Variants in FAM149B1 observed in about 807,000 individuals in gnomAD.
The protein encoded by FAM149B1 is primary cilium assembly protein FAM149B1.
Under a neutral mutation model 75.3 loss-of-function variants are expected in FAM149B1, and 56 were observed. That is an observed-to-expected ratio of 0.74 (90% confidence interval 0.60 to 0.93). The LOEUF is 0.93. Among genes scored for constraint, FAM149B1 ranks in the 40% least tolerant of loss-of-function variants. The probability of loss-of-function intolerance (pLI) is 0.00; values close to 1 mark genes in which losing one functional copy is unlikely to be tolerated. For synonymous variants in FAM149B1, 259 were observed against 256.1 expected (o/e 1.01, Z -0.11); for missense variants, 639 against 708.4 (o/e 0.90, Z 1.11).
At chr10:73,235,474 C>T in intron 12 of FAM149B1, 156 bp downstream of exon 12, 1 of 1,427,966 alleles carries the variant, frequency 7.0e-7, no homozygotes, top group Non-Finnish European at 9.2e-7. Flanking sequence ...ACATTTTGTT[C>T]AAATTCTAAC....
intron 7 of FAM149B1, 46 bp from the exon 8 acceptor site, chr10:73,228,014 G>A (rs2043594500): frequency 3.9e-6 from 6 of 1,537,742 alleles, no homozygotes; most frequent in Non-Finnish European, 5.3e-6. Context: ...TGTTGCTGTG[G>A]GCCAGAAGAT....
At chr10:73,204,941 C>G (rs1589161999) in intron 5 of FAM149B1, among the ~76,000 whole-genome samples, 1 of 82,726 alleles carries the variant, frequency 1.2e-5, no homozygotes, top group Admixed American at 1.8e-4. Context: ...CCATGCCTGG[C>G]TAATTTTTTT....
intron 7 of FAM149B1, among the ~76,000 whole-genome samples, chr10:73,210,753 G>A (rs1306657812): frequency 6.6e-6 from 1 of 151,958 alleles, no homozygotes; most frequent in African/African-American, 2.4e-5. Flanking sequence ...AGCCCAGGAG[G>A]TCAAGTCTGC....
chr10:73,168,430 C>T (rs1224307356), intron 1 of FAM149B1, 44 bp downstream of exon 1: 2 of 1,546,622 alleles, frequency 1.3e-6, no homozygotes, highest in Admixed American at 3.9e-5. Context: ...GGGCGGCGGG[C>T]GCTCTGGGGA....
intron 3 of FAM149B1, among the ~76,000 whole-genome samples, chr10:73,185,048 C>T (rs2042487514): frequency 6.6e-6 from 1 of 152,052 alleles, no homozygotes; most frequent in Non-Finnish European, 1.5e-5. Context: ...AAAGAGAGGG[C>T]ATAACTCAAC....
At chr10:73,188,728 A>C (rs569258999) in intron 3 of FAM149B1, among the ~76,000 whole-genome samples, 19 of 136,664 alleles carry the variant, frequency 1.4e-4, no homozygotes, top group Admixed American at 7.6e-4. Flanking sequence ...CTGTCTCAGA[A>C]AAAAGAAAAA....
In FAM149B1 at chr10:73,239,341, A is replaced by G. The variant is rs372592126; in HGVS notation, c.1632A>G (p.Ala544=). Residue 544 remains alanine, a synonymous_variant, in exon 13 of 14, where the codon GCA becomes GCG. Coordinates refer to ENST00000242505, the MANE Select transcript of FAM149B1 (RefSeq NM_173348.2). ...LLDTQYRRSC[A]VEYPHQARPG... ...ATACACAGTATCGTCGCTCATGTGC[A>G]GTTGAGTATCCTCATCAGGCCCGAC... 4.1e-5 allele frequency: 64 copies of G among 1,551,620 alleles called. No homozygotes were observed. Among genetic ancestry groups the G allele is most frequent in the Admixed American group, 2.9e-4 (15 of 50,992 alleles).
chr10:73,213,085 G>A (rs1050869435), intron 7 of FAM149B1, among the ~76,000 whole-genome samples: 4 of 152,082 alleles, frequency 2.6e-5, no homozygotes, highest in South Asian at 2.1e-4. Flanking sequence ...GGGCTCAAGC[G>A]ATCTGCCCGT....
chr10:73,208,497 G>A, intron 5 of FAM149B1, 122 bp from the exon 6 acceptor site: 1 of 602,758 alleles, frequency 1.7e-6, no homozygotes, highest in Non-Finnish European at 2.9e-6. Context: ...TTGAGGCTTA[G>A]AATAGTCCAC....
rs1468177411 is a variant in FAM149B1 at position 73,243,919 on chromosome 10, T to C, written c.*2900T>C. The C allele has an allele frequency of 6.2e-7, 1 of 1,614,056 alleles. No individual in the cohort carries two copies. Among genetic ancestry groups the C allele is most frequent in the South Asian group, 1.1e-5 (1 of 91,050 alleles). On this transcript the variant is annotated 3_prime_UTR_variant, in exon 14 of 14. Coordinates refer to ENST00000242505, the MANE Select transcript of FAM149B1 (RefSeq NM_173348.2). Reference sequence around the variant, plus strand: ...TCTGCTCATTTCTGCTTCTTTGGCCTCTTCCTGAGCCTGAAACAGGAACTC... The same window carrying C: ...TCTGCTCATTTCTGCTTCTTTGGCCCCTTCCTGAGCCTGAAACAGGAACTC...
At chr10:73,229,076 A>G (rs1351640378) in intron 8 of FAM149B1, among the ~76,000 whole-genome samples, 2 of 152,202 alleles carry the variant, frequency 1.3e-5, no homozygotes, top group Non-Finnish European at 2.9e-5. Context: ...AGTACTCATA[A>G]ACCAGGTATA....
chr10:73,244,205 G>A lies in FAM149B1; in HGVS notation c.*3186G>A, dbSNP rs2043982852. The A allele has an allele frequency of 2.6e-6, 1 of 391,630 alleles. No individual in the cohort carries two copies. 24.3% of individuals were successfully genotyped at this position (391,630 alleles called of 1,614,324 possible). A position where few individuals can be genotyped will look rare whatever the true frequency, so the allele number is the denominator to read the frequency against. On this transcript the variant is annotated 3_prime_UTR_variant, in exon 14 of 14. Transcript: ENST00000242505. ...CTCATAAATCACATGATGATAAAAAGGAACATGAGGCCGGGTATGGTGGCT... is the reference window on the plus strand; with the variant it reads ...CTCATAAATCACATGATGATAAAAAAGAACATGAGGCCGGGTATGGTGGCT...
chr10:73,225,333 G>A (rs11000553), intron 7 of FAM149B1, among the ~76,000 whole-genome samples: 3,446 of 152,238 alleles, frequency 0.023, 119 homozygotes, highest in African/African-American at 0.073. Context: ...AAGACCTTCC[G>A]GTGGGACAGG....
At chr10:73,190,598 T>C (rs1336964638) in intron 3 of FAM149B1, among the ~76,000 whole-genome samples, 2 of 152,150 alleles carry the variant, frequency 1.3e-5, no homozygotes, top group Non-Finnish European at 2.9e-5. Context: ...AACATAGATA[T>C]GACTTTTCTC....
intron 7 of FAM149B1, among the ~76,000 whole-genome samples, chr10:73,221,262 TTTATG>T (rs1372284920): frequency 1.9e-4 from 29 of 152,332 alleles, no homozygotes; most frequent in Middle Eastern, 3.4e-3. Context: ...AATGATGAAT[TTTATG>T]TTATATGAAT....
intron 3 of FAM149B1, among the ~76,000 whole-genome samples, chr10:73,184,862 A>G (rs571516480): frequency 6.6e-6 from 1 of 152,346 alleles, no homozygotes; most frequent in East Asian, 1.9e-4. Flanking sequence ...AGAACAAACT[A>G]AATCCAAAGC....
chr10:73,172,461 T>C (rs1165592363), intron 1 of FAM149B1, among the ~76,000 whole-genome samples: 3 of 152,254 alleles, frequency 2.0e-5, no homozygotes, highest in Admixed American at 6.5e-5. Flanking sequence ...AGCAGGTTAC[T>C]TAATCCCTCT....
intron 8 of FAM149B1, chr10:73,230,165 C>A: frequency 2.8e-6 from 1 of 351,324 alleles, no homozygotes; most frequent in Non-Finnish European, 5.4e-6. Context: ...TGTAAGAGGG[C>A]TGTTAATTGT....
chr10:73,182,765 T>C (rs938660423), intron 3 of FAM149B1, among the ~76,000 whole-genome samples: 3 of 152,192 alleles, frequency 2.0e-5, no homozygotes, highest in Admixed American at 2.0e-4. Flanking sequence ...GCCTCAGATA[T>C]TGTGGAGCAG....
Sources: allele counts gnomAD v4.1 joint callset (sites outside exome capture counted in the v4.1 genomes callset), GRCh38; gene constraint gnomAD v4.1.1; transcripts MANE v1.5; gene names NCBI Gene and HGNC (gene_info 2026-07-23, HGNC 2026-07-21).